The following SLC37A3 variants were observed in gnomAD, a reference collection of about 807,000 sequenced individuals.
SLC37A3 encodes the protein solute carrier family 37 member 3.
In SLC37A3, 51 loss-of-function variants were observed where a neutral mutation model predicts 67.1. The ratio of observed to expected loss-of-function variants is 0.76; its 90% CI spans 0.61 to 0.96. The LOEUF is 0.96. SLC37A3 is among the 40% of genes least tolerant of loss of function. The probability of loss-of-function intolerance (pLI) is 0.00; values close to 1 mark genes in which losing one functional copy is unlikely to be tolerated. For synonymous variants in SLC37A3, 214 were observed against 231.4 expected (o/e 0.92, Z 0.68); for missense variants, 508 against 603.0 (o/e 0.84, Z 1.65).
At chr7:140,351,724 A>G (rs1243358339) in intron 8 of SLC37A3, 1 of 562,204 alleles carries the variant, frequency 1.8e-6, no homozygotes, top group Non-Finnish European at 3.2e-6. Flanking sequence ...TTTTTTGTGC[A>G]TCATTTTTAT....
intron 5 of SLC37A3, among the ~76,000 whole-genome samples, chr7:140,359,402 G>T (rs1215459928): frequency 6.6e-6 from 1 of 151,612 alleles, no homozygotes; most frequent in Non-Finnish European, 1.5e-5. Context: ...CTCACCCTCA[G>T]ACTGTGCATG....
Position 140,366,684 on chromosome 7 carries a change from C to T in SLC37A3, c.292-2193G>A, listed in dbSNP as rs183521968. ...AAGAAATGAGTGGCTCGAAGAGAAG[C>T]GAGCACCCTGTCACCAGCTCCAGCC... is the stretch of plus-strand genomic sequence containing the variant. On this transcript the variant is annotated intron_variant, in intron 4 of 14. Coordinates refer to ENST00000326232, the MANE Select transcript of SLC37A3 (RefSeq NM_207113.3). 2.0e-3 allele frequency among the ~76,000 whole-genome samples: 310 copies of T among 152,222 alleles called. 3 individuals are homozygous for T. Among genetic ancestry groups the T allele is most frequent in the African/African-American group, 6.8e-3 (282 of 41,516 alleles).
At chr7:140,347,423 T>C (rs1247621574) in intron 10 of SLC37A3, among the ~76,000 whole-genome samples, 1 of 152,190 alleles carries the variant, frequency 6.6e-6, no homozygotes, top group East Asian at 1.9e-4. Context: ...ACATCTGGTG[T>C]GTCCTTATCA....
intron 11 of SLC37A3, among the ~76,000 whole-genome samples, chr7:140,345,489 C>T (rs1290494518): frequency 1.3e-5 from 2 of 150,272 alleles, no homozygotes; most frequent in Non-Finnish European, 1.5e-5. Context: ...AGCTCTACTC[C>T]TGTCTCAGCA....
chr7:140,350,544 C>T (rs1168984577), intron 9 of SLC37A3, among the ~76,000 whole-genome samples: 2 of 152,018 alleles, frequency 1.3e-5, no homozygotes, highest in Non-Finnish European at 2.9e-5. Flanking sequence ...GTGGGCAGAC[C>T]ATGAGATCAA....
At chr7:140,387,804 TAC>T (rs376055626) in intron 1 of SLC37A3, among the ~76,000 whole-genome samples, 7 of 69,346 alleles carry the variant, frequency 1.0e-4, no homozygotes, top group Non-Finnish European at 1.5e-4. Context: ...ATATATATTA[TAC>T]ATAAATATAA....
rs1798296307 is a variant in SLC37A3, at chr7:140,382,471, T to C, written c.56A>G (p.His19Arg). ...AGTGAGCAGGAACACTACAACATGA[T>C]GATGGCTGAACTGGGACAGCAGAGA... ...RGSLLSQFSHHHVVVFLLTFF... is the reference protein window; with the variant it reads ...RGSLLSQFSHRHVVVFLLTFF... Residue 19 changes from histidine (H) to arginine (R), a missense_variant, in exon 2 of 15, where the codon CAT becomes CGT. His to Arg is a conservative substitution (Grantham distance 29). Coordinates refer to ENST00000326232, the MANE Select transcript of SLC37A3 (RefSeq NM_207113.3). 2 of 1,614,186 alleles carry C rather than the reference T, an allele frequency of 1.2e-6. No homozygotes were observed. The highest frequency in any genetic ancestry group is 1.7e-6 in the Non-Finnish European group (2 of 1,180,024).
intron 12 of SLC37A3, 126 bp from the exon 13 acceptor site, chr7:140,343,689 C>T (rs999647002): frequency 3.7e-5 from 35 of 937,436 alleles, no homozygotes; most frequent in Admixed American, 3.2e-4. Context: ...AAAAGGAAAC[C>T]CCCAGATAGT....
Position 140,388,411 on chromosome 7 carries a change from C to T in SLC37A3, c.-70-5815G>A, listed in dbSNP as rs114461622. ...TTGTGCCACTGCATTCCAGCCTGCACGACAGAGTGAGACCCTGTACCAAAA... is the reference window on the plus strand; with the variant it reads ...TTGTGCCACTGCATTCCAGCCTGCATGACAGAGTGAGACCCTGTACCAAAA... On this transcript the variant is annotated intron_variant, in intron 1 of 14. Transcript: ENST00000326232. Among the ~76,000 whole-genome samples, 969 of 150,096 alleles carry T rather than the reference C, an allele frequency of 6.5e-3. 12 individuals carry two copies. Among genetic ancestry groups the T allele is most frequent in the African/African-American group, 0.023 (925 of 40,830 alleles).
intron 1 of SLC37A3, among the ~76,000 whole-genome samples, chr7:140,397,152 A>AT (rs1004453660): frequency 7.4e-6 from 1 of 135,722 alleles, no homozygotes; most frequent in Non-Finnish European, 1.6e-5. Context: ...GTGAGCCGAG[A>AT]TGGTGCCACG....
At position 140,390,480 on chromosome 7, in the gene SLC37A3, GT is replaced by G. The variant is rs568195399; in HGVS notation, c.-70-7885del. On this transcript the variant is annotated intron_variant, in intron 1 of 14. Transcript: ENST00000326232. ...TGCCTCAAGGACACAAGCGTTCCAT[GT>G]TCTCTTTGTTCCCCAAGGCCGTTTC... Among the ~76,000 whole-genome samples, 10 of 152,182 alleles carry G rather than the reference GT, an allele frequency of 6.6e-5. No homozygotes were observed. The South Asian group carries it at 1.9e-3, about 28-fold the overall frequency.
intron 14 of SLC37A3, among the ~76,000 whole-genome samples, 167 bp downstream of exon 14, chr7:140,337,117 A>AAAGAAG (rs1209375898): frequency 2.8e-5 from 4 of 145,382 alleles, no homozygotes; most frequent in East Asian, 2.0e-4. Context: ...AAAAAAAAAA[A>AAAGAAG]AAGAAGAAGA....
At chr7:140,391,672 T>C (rs4458772) in intron 1 of SLC37A3, among the ~76,000 whole-genome samples, 103,118 of 152,074 alleles carry the variant, frequency 0.68, 35,175 homozygotes, top group South Asian at 0.8. Flanking sequence ...CAGGGGAAAC[T>C]AAAAAGAATA....
At chr7:140,395,194 G>A (rs370968777) in intron 1 of SLC37A3, among the ~76,000 whole-genome samples, 2 of 150,294 alleles carry the variant, frequency 1.3e-5, no homozygotes, top group East Asian at 4.1e-4. Flanking sequence ...TGGCCAAAAT[G>A]GTGAAACCCC....
chr7:140,371,901 G>C (rs970632634), intron 3 of SLC37A3, among the ~76,000 whole-genome samples: 1 of 151,866 alleles, frequency 6.6e-6, no homozygotes, highest in Non-Finnish European at 1.5e-5. Flanking sequence ...ACCCAGGCTG[G>C]AGTGCAATGG....
At chr7:140,385,214 TC>T (rs1182015620) in intron 1 of SLC37A3, among the ~76,000 whole-genome samples, 1 of 152,310 alleles carries the variant, frequency 6.6e-6, no homozygotes, top group Admixed American at 6.5e-5. Flanking sequence ...TAATTCCAAA[TC>T]AGTAGAATTT....
intron 1 of SLC37A3, among the ~76,000 whole-genome samples, chr7:140,396,338 T>C (rs1798925825): frequency 6.6e-6 from 1 of 152,194 alleles, no homozygotes; most frequent in Admixed American, 6.5e-5. Context: ...GTATCTTTTT[T>C]ATCCCACATT....
chr7:140,348,600 A>T, intron 10 of SLC37A3, 26 bp downstream of exon 10: 1 of 1,583,976 alleles, frequency 6.3e-7, no homozygotes, highest in South Asian at 1.2e-5. Context: ...ACTCTTTATT[A>T]TGGAAAAGAT....
intron 3 of SLC37A3, among the ~76,000 whole-genome samples, chr7:140,375,851 A>G (rs1798011699): frequency 6.6e-6 from 1 of 152,248 alleles, no homozygotes; most frequent in African/African-American, 2.4e-5. Flanking sequence ...GCAGGCTCAC[A>G]CAGCTGACAT....
Sources: allele counts gnomAD v4.1 joint callset (sites outside exome capture counted in the v4.1 genomes callset), GRCh38; gene constraint gnomAD v4.1.1; transcripts MANE v1.5; gene names NCBI Gene and HGNC (gene_info 2026-07-23, HGNC 2026-07-21).